The following CELA2A variants were observed in gnomAD, a reference collection of about 807,000 sequenced individuals.
CELA2A encodes the protein chymotrypsin like elastase 2A.
Under a neutral mutation model 35.3 loss-of-function variants are expected in CELA2A, and 31 were observed. That is an observed-to-expected ratio of 0.88 (90% CI 0.66 to 1.19). The LOEUF (loss-of-function observed/expected upper bound fraction) is 1.19. CELA2A is among the 50% of genes most tolerant of loss of function. CELA2A has a pLI of 0.00. For missense variants in CELA2A, 330 were observed against 352.9 expected (o/e 0.94, Z 0.52); for synonymous variants, 150 against 149.8 (o/e 1.00, Z -0.01).
At chr1:15,464,141 G>A (rs761110388) in intron 5 of CELA2A, among the ~76,000 whole-genome samples, 12 of 152,184 alleles carry the variant, frequency 7.9e-5, no homozygotes, top group Non-Finnish European at 1.3e-4. Context: ...GAATGGGGTA[G>A]GTGCTGTGTT....
intron 5 of CELA2A, 95 bp downstream of exon 5, chr1:15,463,617 G>GT (rs1171718775): frequency 6.3e-7 from 1 of 1,579,900 alleles, no homozygotes; most frequent in Non-Finnish European, 8.6e-7. Context: ...TCATCCCAGG[G>GT]TGTGTGGCTG....
chr1:15,469,195 A>G (rs1708559922), intron 7 of CELA2A, among the ~76,000 whole-genome samples: 1 of 152,068 alleles, frequency 6.6e-6, no homozygotes, highest in Non-Finnish European at 1.5e-5. Flanking sequence ...AAAAAAACAC[A>G]CAAAAAAGAA....
At position 15,462,851 on chromosome 1, in the gene CELA2A, ATC is replaced by A. The variant is rs1557517057; in HGVS notation, c.349_350del (p.Ser117GlnfsTer12). On this transcript the variant is annotated frameshift_variant, in exon 4 of 8. Coordinates refer to ENST00000359621, the MANE Select transcript of CELA2A (RefSeq NM_033440.3). LOFTEE classifies it high-confidence loss of function. ...VVHKDWNSNQ[I>X]SKGNDIALLK... ...GCACAAGGACTGGAACTCCAACCAA[ATC>A]TCCAAAGGGTTCGTTTCTGTCTGGG... is the stretch of plus-strand genomic sequence containing the variant. The A allele has an allele frequency of 6.2e-7, 1 of 1,614,004 alleles. No individual in the cohort carries two copies. The highest frequency in any genetic ancestry group is 8.5e-7 in the Non-Finnish European group (1 of 1,179,974).
chr1:15,463,904 T>A (rs1200107014), intron 5 of CELA2A, among the ~76,000 whole-genome samples: 6 of 147,216 alleles, frequency 4.1e-5, no homozygotes, highest in Non-Finnish European at 6.0e-5. Flanking sequence ...AAAAAAAAAA[T>A]AGCAGGATGT....
intron 5 of CELA2A, among the ~76,000 whole-genome samples, chr1:15,464,411 G>A (rs189819974): frequency 3.3e-5 from 5 of 152,186 alleles, no homozygotes; most frequent in African/African-American, 1.2e-4. Flanking sequence ...GCCACCAAGA[G>A]GAACAGAGTT....
At chr1:15,458,019 T>C (rs1163177992) in intron 2 of CELA2A, among the ~76,000 whole-genome samples, 9 of 152,206 alleles carry the variant, frequency 5.9e-5, no homozygotes, top group East Asian at 1.9e-4. Context: ...AAAGTTTACA[T>C]TGACATAAAC....
chr1:15,469,878 G>T (rs950831237), intron 7 of CELA2A, among the ~76,000 whole-genome samples: 1 of 152,064 alleles, frequency 6.6e-6, no homozygotes, highest in Non-Finnish European at 1.5e-5. Context: ...GCTGCTGTGG[G>T]AGTCACCATG....
chr1:15,467,419 T>C lies in CELA2A; in HGVS notation c.673T>C (p.Ser225Pro), dbSNP rs1708533357. The C allele has an allele frequency of 6.2e-7, 1 of 1,613,922 alleles. No individual in the cohort carries two copies. Among genetic ancestry groups the C allele is most frequent in the Non-Finnish European group, 8.5e-7 (1 of 1,180,022 alleles). ...TGGCGGGCCACTGAACTGTCAGGCGTCTGACGGCCGGTGGCAGGTGCACGG... is the reference window on the plus strand; with the variant it reads ...TGGCGGGCCACTGAACTGTCAGGCGCCTGACGGCCGGTGGCAGGTGCACGG... ...DSGGPLNCQA[S>P]DGRWQVHGIV... Residue 225 changes from serine to proline, a missense_variant, in exon 7 of 8, where the codon TCT (serine) becomes CCT (proline). Physicochemically the swap from Ser to Pro is moderately conservative, Grantham distance 74. Transcript: ENST00000359621.
intron 2 of CELA2A, among the ~76,000 whole-genome samples, chr1:15,460,798 A>T (rs763627572): frequency 3.9e-5 from 6 of 152,022 alleles, no homozygotes; most frequent in Non-Finnish European, 7.4e-5. Flanking sequence ...CAGCCTTCTG[A>T]GTAACCGGGA....
rs141124454 is a variant in CELA2A, at chr1:15,467,538, G to T, written c.792G>T (p.Ser264=). The T allele has an allele frequency of 6.2e-7, 1 of 1,613,840 alleles. No individual in the cohort carries two copies. The highest frequency in any genetic ancestry group is 8.5e-7 in the Non-Finnish European group (1 of 1,179,966). The change falls in exon 7 of 8, where the codon TCG becomes TCT. Residue 264 remains serine, a splice_region_variant and synonymous_variant. Coordinates refer to ENST00000359621, the MANE Select transcript of CELA2A (RefSeq NM_033440.3). ...RVSNYIDWIN[S]VIANN ...CCAATTACATCGACTGGATCAATTC[G>T]GTAAGAACCGGACCAGCCCTGAGCC... is the stretch of plus-strand genomic sequence containing the variant.
chr1:15,457,016 T>C (rs1708369291), intron 1 of CELA2A, 70 bp from the exon 2 acceptor site: 2 of 1,470,610 alleles, frequency 1.4e-6, no homozygotes, highest in Non-Finnish European at 1.9e-6. Flanking sequence ...GGGGTCAGAA[T>C]GCGCAGCAAG....
At chr1:15,467,142 C>A (rs1290547236) in intron 6 of CELA2A, among the ~76,000 whole-genome samples, 1 of 152,168 alleles carries the variant, frequency 6.6e-6, no homozygotes, top group Non-Finnish European at 1.5e-5. Flanking sequence ...ATATTTACCT[C>A]ATAGGATTTT....
At chr1:15,466,455 G>A (rs977116728) in intron 6 of CELA2A, among the ~76,000 whole-genome samples, 1 of 151,964 alleles carries the variant, frequency 6.6e-6, no homozygotes, top group Non-Finnish European at 1.5e-5. Context: ...ACAGCTACTC[G>A]GGAGGCTGAG....
chr1:15,467,590 C>T (rs1708538612), intron 7 of CELA2A, 52 bp downstream of exon 7: 1 of 1,590,856 alleles, frequency 6.3e-7, no homozygotes, highest in African/African-American at 1.3e-5. Flanking sequence ...CTCACCTGGC[C>T]TCGGGAGTGC....
chr1:15,461,563 C>T lies in CELA2A; in HGVS notation c.132C>T (p.Val44=), dbSNP rs771589093. The T allele has an allele frequency of 1.2e-6, 2 of 1,612,026 alleles. No individual in the cohort carries two copies. Among genetic ancestry groups the T allele is most frequent in the Non-Finnish European group, 1.7e-6 (2 of 1,179,918 alleles). Residue 44 remains valine (V), a splice_region_variant and synonymous_variant, in exon 3 of 8, where the codon GTC becomes GTT. Coordinates refer to ENST00000359621, the MANE Select transcript of CELA2A (RefSeq NM_033440.3). ...EARPNSWPWQ[V]SLQYSSNGKW... Reference sequence around the variant, plus strand: ...AGAGCTCCTTTGCTTCTCCCCAGGTCTCCCTGCAGTACAGCTCCAATGGCA... The same window carrying T: ...AGAGCTCCTTTGCTTCTCCCCAGGTTTCCCTGCAGTACAGCTCCAATGGCA...
At chr1:15,463,589 G>A in intron 5 of CELA2A, 67 bp downstream of exon 5, 1 of 1,606,130 alleles carries the variant, frequency 6.2e-7, no homozygotes, top group Non-Finnish European at 8.5e-7. Flanking sequence ...CCCCTGTCTG[G>A]CCGGGGCCTC....
Position 15,467,442 on chromosome 1 carries a change from C to G in CELA2A, c.696C>G (p.His232Gln). The stretch of plus-strand genomic sequence containing the variant: ...CGTCTGACGGCCGGTGGCAGGTGCA[C>G]GGCATCGTCAGCTTCGGGTCTCGCC... ...CQASDGRWQVHGIVSFGSRLG... is the reference protein window; with the variant it reads ...CQASDGRWQVQGIVSFGSRLG... Residue 232 changes from histidine (H) to glutamine (Q), a missense_variant, in exon 7 of 8, where the codon CAC (histidine) becomes CAG (glutamine). His to Gln is a conservative substitution (Grantham distance 24). Transcript: ENST00000359621. 9 of 1,614,038 alleles carry G rather than the reference C, an allele frequency of 5.6e-6. No individual in the cohort carries two copies. The highest frequency in any genetic ancestry group is 7.6e-6 in the Non-Finnish European group (9 of 1,180,038).
At chr1:15,467,561 G>A (rs779663820) in intron 7 of CELA2A, 23 bp downstream of exon 7, 47 of 1,612,726 alleles carry the variant, frequency 2.9e-5, no homozygotes, top group Non-Finnish European at 3.9e-5. Context: ...CCAGCCCTGA[G>A]CCCCAAGGCA....
At chr1:15,469,064 G>A (rs949207561) in intron 7 of CELA2A, among the ~76,000 whole-genome samples, 6 of 152,158 alleles carry the variant, frequency 3.9e-5, no homozygotes, top group Non-Finnish European at 8.8e-5. Context: ...TGTAATCCCA[G>A]CTACTCAGGA....
Sources: allele counts gnomAD v4.1 joint callset (sites outside exome capture counted in the v4.1 genomes callset), GRCh38; gene constraint gnomAD v4.1.1; transcripts MANE v1.5; gene names NCBI Gene and HGNC (gene_info 2026-07-23, HGNC 2026-07-21).